Variants in XPC observed in about 807,000 individuals in gnomAD.
XPC encodes XPC complex subunit, DNA damage recognition and repair factor.
Under a neutral mutation model 95.8 loss-of-function variants are expected in XPC, and 76 were observed. The ratio of observed to expected loss-of-function variants is 0.79; its 90% CI spans 0.66 to 0.96. The LOEUF (loss-of-function observed/expected upper bound fraction) is 0.96, where lower values mean the gene tolerates loss of function less well. XPC is among the 40% of genes least tolerant of loss of function. The probability of loss-of-function intolerance (pLI) is 0.00; values close to 1 mark genes in which losing one functional copy is unlikely to be tolerated. For synonymous variants in XPC, 442 were observed against 442.1 expected (o/e 1.00, Z 0.00); for missense variants, 1,146 against 1,179.8 (o/e 0.97, Z 0.42).
intron 10 of XPC, among the ~76,000 whole-genome samples, chr3:14,154,529 A>C (rs1559372694): frequency 6.6e-6 from 1 of 152,178 alleles, no homozygotes; most frequent in Non-Finnish European, 1.5e-5. Flanking sequence ...ATGCTAAGTG[A>C]AATAAGCCAG....
At chr3:14,154,664 G>C (rs1377647186) in intron 10 of XPC, among the ~76,000 whole-genome samples, 3 of 152,094 alleles carry the variant, frequency 2.0e-5, no homozygotes, top group Admixed American at 6.5e-5. Context: ...GTTTTTGATG[G>C]GGACGGAGTT....
In XPC at chr3:14,147,279, C is replaced by G. The variant is rs1273434510; in HGVS notation, c.2604+11G>C. The G allele has an allele frequency of 2.5e-6, 4 of 1,604,054 alleles. No homozygotes were observed. The highest frequency in any genetic ancestry group is 1.1e-5 in the South Asian group (1 of 88,754). ...CTGAGCTTGTCTTCTCTGCAAAGAACCTGCACTGACCTTGGGCCCGTAGCG... is the reference window on the plus strand; with the variant it reads ...CTGAGCTTGTCTTCTCTGCAAAGAAGCTGCACTGACCTTGGGCCCGTAGCG... On this transcript the variant is annotated intron_variant, in intron 15 of 15. Coordinates refer to ENST00000285021, the MANE Select transcript of XPC (RefSeq NM_004628.5).
intron 11 of XPC, among the ~76,000 whole-genome samples, chr3:14,150,745 G>A (rs1003170531): frequency 2.0e-5 from 3 of 152,214 alleles, no homozygotes; most frequent in African/African-American, 7.2e-5. Flanking sequence ...GTGGAGGCAA[G>A]AAAGGCTGCT....
chr3:14,168,529 C>T, intron 3 of XPC, 149 bp from the exon 4 acceptor site: 1 of 943,970 alleles, frequency 1.1e-6, no homozygotes, highest in South Asian at 1.5e-5. Flanking sequence ...CATGCCTTGC[C>T]CTGAGTCCTA....
chr3:14,178,234 C>T (rs990264130), intron 1 of XPC: 2 of 533,260 alleles, frequency 3.8e-6, no homozygotes, highest in Admixed American at 3.9e-5. Flanking sequence ...GGGAAAAAAG[C>T]TACGCAGGAG....
At chr3:14,147,775 G>C in intron 14 of XPC, 133 bp downstream of exon 14, 1 of 777,224 alleles carries the variant, frequency 1.3e-6, no homozygotes. Context: ...CGCTCCCTCG[G>C]GTGCCTGCCA....
intron 10 of XPC, among the ~76,000 whole-genome samples, chr3:14,153,847 GCCAGAGCAGCGCTTCTGCCAGTAGCA>G (rs1463981033): frequency 7.2e-5 from 11 of 152,218 alleles, no homozygotes; most frequent in Non-Finnish European, 1.5e-4. Flanking sequence ...TTTCCTGTGT[GCCAGAGCAGCGCTTCTGCCAGTAGCA>G]CCAACCTGCC....
intron 1 of XPC, among the ~76,000 whole-genome samples, chr3:14,178,003 G>A (rs950637630): frequency 1.3e-5 from 2 of 152,224 alleles, no homozygotes; most frequent in African/African-American, 2.4e-5. Context: ...GTTCTGCATT[G>A]CCCATGACAA....
rs1559365938 is a variant in XPC at position 14,145,326 on chromosome 3, T to G, written c.*615A>C. 4 of 698,776 alleles carry G rather than the reference T, an allele frequency of 5.7e-6. No homozygotes were observed. Among genetic ancestry groups the G allele is most frequent in the Non-Finnish European group, 1.0e-5 (4 of 384,328 alleles). 43.3% of individuals were successfully genotyped at this position (698,776 alleles called of 1,614,324 possible). A position where few individuals can be genotyped will look rare whatever the true frequency, so the allele number is the denominator to read the frequency against. ...CCTTTTCTTTCCTGATTTTAGCTTT[T>G]TTTAGGCTTCTGTCACCACAAAATG... is the stretch of plus-strand genomic sequence containing the variant. On this transcript the variant is annotated 3_prime_UTR_variant, in exon 16 of 16. Transcript: ENST00000285021.
chr3:14,153,340 CTT>C (rs1695773803), intron 10 of XPC: 1 of 152,246 alleles, frequency 6.6e-6, no homozygotes. Context: ...GATTTTTCAA[CTT>C]TATGATGATG....
chr3:14,170,014 C>T (rs971035278), intron 3 of XPC, among the ~76,000 whole-genome samples: 2 of 152,210 alleles, frequency 1.3e-5, no homozygotes, highest in African/African-American at 4.8e-5. Context: ...CTGTGAATGG[C>T]TCACACTAAA....
At chr3:14,176,992 C>T (rs546643043) in intron 1 of XPC, among the ~76,000 whole-genome samples, 22 of 152,224 alleles carry the variant, frequency 1.4e-4, no homozygotes, top group Admixed American at 5.2e-4. Context: ...ACCAGCTACT[C>T]GGGAGGCTGA....
At chr3:14,164,785 A>G (rs1185282959) in intron 7 of XPC, 28 bp downstream of exon 7, 10 of 1,609,424 alleles carry the variant, frequency 6.2e-6, no homozygotes, top group Non-Finnish European at 8.5e-6. Context: ...GTACTGATAA[A>G]AAACAGTGAT....
chr3:14,178,541 C>T lies in XPC; in HGVS notation c.28G>A (p.Glu10Lys), dbSNP rs747294422. 6 of 1,612,882 alleles carry T rather than the reference C, an allele frequency of 3.7e-6. No individual in the cohort carries two copies. The African/African-American group carries it at 5.3e-5, about 14-fold the overall frequency. ...CTGCGCAGTTCGCGTCCCCGCGGCT[C>T]CCCGCCGGCCGCGCGTTTCCGAGCC... MARKRAAGG[E>K]PRGRELRSQK... Residue 10 changes from glutamate (E) to lysine (K), a missense_variant, in exon 1 of 16, where the codon GAG becomes AAG. Coordinates refer to ENST00000285021, the MANE Select transcript of XPC (RefSeq NM_004628.5).
At chr3:14,176,859 G>T (rs888504683) in intron 1 of XPC, among the ~76,000 whole-genome samples, 3 of 152,180 alleles carry the variant, frequency 2.0e-5, no homozygotes, top group Non-Finnish European at 2.9e-5. Context: ...CCAACACTTC[G>T]GGAGGCCGAG....
intron 6 of XPC, among the ~76,000 whole-genome samples, 199 bp from the exon 7 acceptor site, chr3:14,165,132 C>T (rs971553846): frequency 6.6e-6 from 1 of 152,186 alleles, no homozygotes; most frequent in Admixed American, 6.5e-5. Context: ...CTTCCCAGAC[C>T]TCCCAGCTGA....
intron 5 of XPC, 139 bp downstream of exon 5, chr3:14,167,030 A>G (rs1482390344): frequency 1.6e-6 from 1 of 638,282 alleles, no homozygotes. Flanking sequence ...CCCACCTCCC[A>G]GATGAGGATG....
intron 7 of XPC, among the ~76,000 whole-genome samples, chr3:14,164,011 T>C (rs563011446): frequency 2.0e-5 from 3 of 152,308 alleles, no homozygotes; most frequent in Admixed American, 6.5e-5. Context: ...ATTGCACCAC[T>C]GCACTCCAGC....
chr3:14,177,031 C>T (rs1284845628), intron 1 of XPC, among the ~76,000 whole-genome samples: 3 of 152,116 alleles, frequency 2.0e-5, no homozygotes, highest in African/African-American at 4.8e-5. Context: ...ACCTAGGAGG[C>T]GGAGGTCACG....
Sources: gnomAD v4.1 joint callset for allele counts (sites outside exome capture counted in the v4.1 genomes callset) on GRCh38, gnomAD v4.1.1 for gene constraint, MANE v1.5 for transcripts, NCBI Gene and HGNC (gene_info 2026-07-23, HGNC 2026-07-21) for gene names.